The following PDE5A variants were observed in gnomAD, a reference collection of about 807,000 sequenced individuals.
PDE5A encodes phosphodiesterase 5A, also known as cGMP-specific 3',5'-cyclic phosphodiesterase.
Under a neutral mutation model 110.2 loss-of-function variants are expected in PDE5A, and 67 were observed. The observed-to-expected ratio is 0.61, with a 90% CI of 0.50 to 0.75. PDE5A has a LOEUF of 0.75. Ranked by LOEUF, PDE5A falls within the 30% of genes least tolerant of loss-of-function variation. PDE5A has a pLI of 0.00. For synonymous variants in PDE5A, 328 were observed against 351.2 expected, an observed-to-expected ratio of 0.93 and a Z score of 0.74; for missense variants, 862 against 1,045.1, an observed-to-expected ratio of 0.82 and a Z score of 2.42.
At chr4:119,547,555 TTAATAA>T (rs777708962) in intron 9 of PDE5A, among the ~76,000 whole-genome samples, 2 of 152,130 alleles carry the variant, frequency 1.3e-5, no homozygotes, top group African/African-American at 4.8e-5. Context: ...TCATTATTTC[TTAATAA>T]TAATAAAATA....
intron 10 of PDE5A, among the ~76,000 whole-genome samples, chr4:119,539,399 T>G (rs1390646420): frequency 6.6e-6 from 1 of 151,970 alleles, no homozygotes; most frequent in East Asian, 1.9e-4. Flanking sequence ...GTGTACAGAA[T>G]TAAAGAGAAA....
At position 119,596,612 on chromosome 4, in the gene PDE5A, C is replaced by CTA; in HGVS notation, c.742-1_742insTA (p.Asp248Ter). Reference sequence around the variant, plus strand: ...TCAACTTCTGCATTGAACCGAGGATCCTAGTATGGAAAAAGAAATTCAATT... The same window carrying CTA: ...TCAACTTCTGCATTGAACCGAGGATCTACTAGTATGGAAAAAGAAATTCAATT... On this transcript the variant is annotated frameshift_variant and splice_region_variant. Coordinates refer to ENST00000354960, the MANE Select transcript of PDE5A (RefSeq NM_001083.4). LOFTEE classifies it high-confidence loss of function. 6.4e-7 allele frequency: 1 copy of CTA among 1,554,734 alleles called. No homozygotes were observed. Among genetic ancestry groups the CTA allele is most frequent in the African/African-American group, 1.4e-5 (1 of 73,114 alleles).
intron 10 of PDE5A, chr4:119,542,006 A>AT (rs1177679517): frequency 6.6e-6 from 1 of 152,266 alleles, no homozygotes; most frequent in African/African-American, 2.4e-5. Flanking sequence ...CGTTGATTTT[A>AT]TTTTTTCTTT....
intron 1 of PDE5A, among the ~76,000 whole-genome samples, chr4:119,613,916 C>T (rs1195843572): frequency 1.3e-5 from 2 of 151,916 alleles, no homozygotes; most frequent in Non-Finnish European, 2.9e-5. Flanking sequence ...AGGTACTATA[C>T]CCTATTAAGA....
rs201861529 is a variant in PDE5A at position 119,494,748 on chromosome 4, A to C, written c.*3853T>G. On this transcript the variant is annotated 3_prime_UTR_variant, in exon 21 of 21. Transcript: ENST00000354960. ...TATAAGAATACAAATAGATATTAAC[A>C]GTGGCTAGTGATGCCTCATAAGGTT... 1 of 152,606 alleles carries C rather than the reference A, an allele frequency of 6.6e-6. No homozygotes were observed. Among genetic ancestry groups the C allele is most frequent in the Non-Finnish European group, 1.5e-5 (1 of 68,030 alleles). 9.5% of individuals were successfully genotyped at this position (152,606 alleles called of 1,614,324 possible). A position where few individuals can be genotyped will look rare whatever the true frequency, so the allele number is the denominator to read the frequency against.
intron 12 of PDE5A, among the ~76,000 whole-genome samples, chr4:119,523,882 A>G (rs978125307): frequency 1.3e-5 from 2 of 152,076 alleles, no homozygotes; most frequent in African/African-American, 2.4e-5. Flanking sequence ...ATAGGTTTAT[A>G]AAGTCCTGTA....
chr4:119,521,703 T>A (rs931811770), intron 12 of PDE5A, among the ~76,000 whole-genome samples: 1 of 151,426 alleles, frequency 6.6e-6, no homozygotes, highest in Admixed American at 6.6e-5. Flanking sequence ...AAAAAAAAAA[T>A]GTGCCAAATA....
rs200908387 is a variant in PDE5A at position 119,553,629 on chromosome 4, G to C, written c.1308+9C>G. 7.3e-7 allele frequency: 1 copy of C among 1,377,906 alleles called. No homozygotes were observed. Among genetic ancestry groups the C allele is most frequent in the East Asian group, 2.3e-5 (1 of 43,590 alleles). The allele number at this position is 1,377,906 out of a possible 1,614,324, so 85.4% of individuals were successfully genotyped here. A position where few individuals can be genotyped will look rare whatever the true frequency, so the allele number is the denominator to read the frequency against. Reference sequence around the variant, plus strand: ...CTTCTAGCTTCAAGTCTAAAATTGGGTTACTTACTGTCCAGGGAAATCTTT... The same window carrying C: ...CTTCTAGCTTCAAGTCTAAAATTGGCTTACTTACTGTCCAGGGAAATCTTT... On this transcript the variant is annotated intron_variant, in intron 8 of 20. Transcript: ENST00000354960.
At chr4:119,622,571 T>C (rs1730186411) in intron 1 of PDE5A, among the ~76,000 whole-genome samples, 1 of 151,910 alleles carries the variant, frequency 6.6e-6, no homozygotes, top group African/African-American at 2.4e-5. Context: ...CCAGAGAAAA[T>C]ATATCTTTAA....
intron 5 of PDE5A, among the ~76,000 whole-genome samples, chr4:119,563,205 C>G (rs190817928): frequency 6.6e-6 from 1 of 152,112 alleles, no homozygotes; most frequent in Non-Finnish European, 1.5e-5. Context: ...TTAATCCTGA[C>G]TTCCTTTACT....
chr4:119,534,991 G>A (rs960025792), intron 11 of PDE5A, among the ~76,000 whole-genome samples: 1 of 152,136 alleles, frequency 6.6e-6, no homozygotes, highest in African/African-American at 2.4e-5. Flanking sequence ...CTGCCTCCGT[G>A]ACAAAAATGA....
chr4:119,607,427 A>T (rs958237136), intron 1 of PDE5A, 130 bp from the exon 2 acceptor site: 1 of 656,076 alleles, frequency 1.5e-6, no homozygotes, highest in South Asian at 2.1e-5. Flanking sequence ...AATAAAAACA[A>T]GATGGTTTAC....
intron 3 of PDE5A, among the ~76,000 whole-genome samples, chr4:119,595,540 C>A (rs747044514): frequency 5.3e-5 from 8 of 152,216 alleles, no homozygotes; most frequent in East Asian, 3.9e-4. Flanking sequence ...AGGGCCCAAA[C>A]AGAACAAAAA....
At chr4:119,600,198 A>ATC (rs1331979175) in intron 2 of PDE5A, among the ~76,000 whole-genome samples, 2 of 151,720 alleles carry the variant, frequency 1.3e-5, no homozygotes, top group Non-Finnish European at 2.9e-5. Context: ...ATATATATAT[A>ATC]AAAAGAGTAA....
chr4:119,567,916 T>G (rs1242369621), intron 3 of PDE5A, among the ~76,000 whole-genome samples: 6 of 152,170 alleles, frequency 3.9e-5, no homozygotes, highest in Non-Finnish European at 7.4e-5. Context: ...CTTCTGCTAT[T>G]TAGTATCAGT....
Position 119,538,981 on chromosome 4 carries a change from T to C in PDE5A, c.1611A>G (p.Thr537=). The C allele has an allele frequency of 6.2e-7, 1 of 1,612,778 alleles. No individual in the cohort carries two copies. Among genetic ancestry groups the C allele is most frequent in the South Asian group, 1.1e-5 (1 of 91,050 alleles). ...TTACCGCTAACGACTGTAGCTCTCT[T>C]GTTTCTTCCTCTGCTGCTGAAGCAT... The part of the protein sequence containing the change: ...SYHASAAEEE[T]RELQSLAAAV... Residue 537 remains threonine, a synonymous_variant, in exon 11 of 21, where the codon ACA becomes ACG. Coordinates refer to ENST00000354960, the MANE Select transcript of PDE5A (RefSeq NM_001083.4).
At chr4:119,502,432 T>C (rs1489048136) in intron 19 of PDE5A, 149 bp downstream of exon 19, 2 of 534,346 alleles carry the variant, frequency 3.7e-6, no homozygotes, top group South Asian at 2.6e-5. Context: ...GTAATGAACA[T>C]GTATAATTCT....
rs557459005 is a variant in PDE5A, at chr4:119,496,208, A to G, written c.*2393T>C. On this transcript the variant is annotated 3_prime_UTR_variant, in exon 21 of 21. Transcript: ENST00000354960. ...CTCTGTTATAACTAAACAAACAAAA[A>G]ATCTAGAACAAGAACTTCTTGCTAG... The G allele has an allele frequency of 2.0e-5, 3 of 152,150 alleles. No individual in the cohort carries two copies. The highest frequency in any genetic ancestry group is 7.2e-5 in the African/African-American group (3 of 41,444). The allele number at this position is 152,150 out of a possible 1,614,324, so 9.4% of individuals were successfully genotyped here.
At chr4:119,601,248 C>T (rs184480284) in intron 2 of PDE5A, among the ~76,000 whole-genome samples, 1 of 152,304 alleles carries the variant, frequency 6.6e-6, no homozygotes, top group African/African-American at 2.4e-5. Context: ...CACCCCCAAC[C>T]TCTGGAGAGG....
Sources: allele counts gnomAD v4.1 joint callset (sites outside exome capture counted in the v4.1 genomes callset), GRCh38; gene constraint gnomAD v4.1.1; transcripts MANE v1.5; gene names NCBI Gene and HGNC (gene_info 2026-07-23, HGNC 2026-07-21).